BEND2: variants seen among roughly 807,000 people sequenced by gnomAD.
The protein encoded by BEND2 is BEN domain-containing protein 2.
Under a neutral mutation model 43.8 loss-of-function variants are expected in BEND2, and 19 were observed. The observed-to-expected ratio is 0.43, with a 90% confidence interval of 0.30 to 0.64. The LOEUF is 0.64. Ranked by LOEUF, BEND2 falls within the 30% of genes least tolerant of loss-of-function variation. The pLI is 0.11. For missense variants in BEND2, 544 were observed against 574.0 expected (o/e 0.95, Z 0.53); for synonymous variants, 226 against 210.1 (o/e 1.08, Z -0.66).
intron 9 of BEND2, among the ~76,000 whole-genome samples, chrX:18,178,233 T>A (rs1924250432): frequency 8.9e-6 from 1 of 111,928 alleles, no homozygotes; most frequent in African/African-American, 3.2e-5. Flanking sequence ...TTCAAATAGC[T>A]AGCATTTATC....
At chrX:18,209,941 A>G (rs1925454734) in intron 4 of BEND2, among the ~76,000 whole-genome samples, 1 of 111,374 alleles carries the variant, frequency 9.0e-6, no homozygotes, top group Non-Finnish European at 1.9e-5. Flanking sequence ...GTAAGTTAAC[A>G]TTAAGGGAAG....
chrX:18,206,381 G>A lies in BEND2; in HGVS notation c.493-2466C>T, dbSNP rs138723887. ...GAAACAGCAGGTTCAAAAATACCCA[G>A]AGAAAAACAGGAAGCCAGATGTGGA... is the stretch of plus-strand genomic sequence containing the variant. On this transcript the variant is annotated intron_variant, in intron 4 of 13. Coordinates refer to ENST00000380033, the MANE Select transcript of BEND2 (RefSeq NM_153346.5). 3.5e-3 allele frequency among the ~76,000 whole-genome samples: 387 copies of A among 111,667 alleles called. 3 individuals carry two copies. The highest frequency in any genetic ancestry group is 0.011 in the African/African-American group (350 of 30,734).
intron 7 of BEND2, among the ~76,000 whole-genome samples, chrX:18,192,412 T>C (rs1924800576): frequency 9.0e-6 from 1 of 111,206 alleles, no homozygotes; most frequent in African/African-American, 3.3e-5. Flanking sequence ...AAAGCAAATC[T>C]TGGAGCATCA....
intron 13 of BEND2, among the ~76,000 whole-genome samples, chrX:18,170,166 T>C (rs1417715928): frequency 8.9e-6 from 1 of 111,745 alleles, no homozygotes; most frequent in Admixed American, 9.6e-5. Context: ...TTGAAAGAAA[T>C]GTAATGGAAG....
At chrX:18,199,479 G>C in intron 6 of BEND2, among the ~76,000 whole-genome samples, 1 of 112,014 alleles carries the variant, frequency 8.9e-6, no homozygotes, top group Non-Finnish European at 1.9e-5. Context: ...TACACACACA[G>C]AGATGTGGAT....
At chrX:18,219,146 G>A (rs1453649905) in intron 1 of BEND2, among the ~76,000 whole-genome samples, 1 of 111,932 alleles carries the variant, frequency 8.9e-6, no homozygotes, top group Non-Finnish European at 1.9e-5. Context: ...GTATCCCATC[G>A]CCCAGCACTT....
At chrX:18,182,355 T>A (rs772861881) in intron 8 of BEND2, among the ~76,000 whole-genome samples, 1 of 111,678 alleles carries the variant, frequency 9.0e-6, no homozygotes, top group African/African-American at 3.3e-5. Flanking sequence ...CTCCCAGTCA[T>A]GCTTCCTGTT....
At chrX:18,207,077 G>C (rs1176037945) in intron 4 of BEND2, among the ~76,000 whole-genome samples, 1 of 110,694 alleles carries the variant, frequency 9.0e-6, no homozygotes, top group African/African-American at 3.3e-5. Flanking sequence ...TGGCCTAGCA[G>C]TGCAGGGGGA....
chrX:18,175,667 T>G (rs779812494), intron 11 of BEND2, among the ~76,000 whole-genome samples: 1 of 112,481 alleles, frequency 8.9e-6, no homozygotes, highest in Admixed American at 9.5e-5. Context: ...CTCGGTGAGA[T>G]ACTGCAAAAG....
At chrX:18,219,825 G>C (rs962571209) in intron 1 of BEND2, among the ~76,000 whole-genome samples, 3 of 112,018 alleles carry the variant, frequency 2.7e-5, no homozygotes, top group African/African-American at 9.7e-5. Context: ...AGGACCGCTT[G>C]AATCCAGGAA....
At chrX:18,173,052 C>T (rs1464753378) in intron 12 of BEND2, among the ~76,000 whole-genome samples, 1 of 111,413 alleles carries the variant, frequency 9.0e-6, no homozygotes, top group Non-Finnish European at 1.9e-5. Flanking sequence ...TTTTCCCCCT[C>T]TTAAAAATAT....
Position 18,203,583 on chromosome X carries a change from C to T in BEND2, c.825G>A (p.Val275=). ...RESSLANNPG[V]VNYSALPENE... is the part of the protein sequence containing the mutation. Reference sequence around the variant, plus strand: ...TTTCTGGTAGAGCAGAGTAATTCACCACACCAGGGTTATTTGCCAGACTGG... The same window carrying T: ...TTTCTGGTAGAGCAGAGTAATTCACTACACCAGGGTTATTTGCCAGACTGG... Residue 275 remains valine, a synonymous_variant, in exon 5 of 14, where the codon GTG becomes GTA. Coordinates refer to ENST00000380033, the MANE Select transcript of BEND2 (RefSeq NM_153346.5). 1 of 1,210,752 alleles carries T rather than the reference C, an allele frequency of 8.3e-7. No homozygotes were observed. Among genetic ancestry groups the T allele is most frequent in the Non-Finnish European group, 1.1e-6 (1 of 894,672 alleles).
chrX:18,212,013 C>T (rs907963175), intron 4 of BEND2, among the ~76,000 whole-genome samples: 1 of 109,056 alleles, frequency 9.2e-6, no homozygotes, highest in African/African-American at 3.3e-5. Context: ...TATATTTCCC[C>T]CAAAGTTAAG....
chrX:18,212,155 C>T (rs1045959190), intron 4 of BEND2, among the ~76,000 whole-genome samples: 4 of 97,299 alleles, frequency 4.1e-5, no homozygotes, highest in Admixed American at 2.4e-4. Flanking sequence ...AGTGCAGTGG[C>T]GCAATCTCGG....
In BEND2 at chrX:18,165,160, C is replaced by T. The variant is rs748760102; in HGVS notation, c.2249G>A (p.Cys750Tyr). The T allele has an allele frequency of 8.3e-7, 1 of 1,209,862 alleles. No homozygotes were observed. Among genetic ancestry groups the T allele is most frequent in the South Asian group, 1.8e-5 (1 of 56,910 alleles). Residue 750 changes from cysteine to tyrosine, a missense_variant, in exon 14 of 14, where the codon TGT (cysteine) becomes TAT (tyrosine). By Grantham distance (194) the Cys-to-Tyr change is radical. Around this residue, in one of 2 missense-constraint regions of BEND2, gnomAD observed 43 missense variants for 72.4 expected, o/e 0.59. Transcript: ENST00000380033. ...GATACCGCTGTTGATGGAGGTCACA[C>T]ACGACTTCCAGTCTCTTCCATTTTC... ...LSENGRDWKS[C>Y]VTSINSGIRS...
At chrX:18,182,934 C>G (rs2147401138) in intron 8 of BEND2, among the ~76,000 whole-genome samples, 1 of 106,909 alleles carries the variant, frequency 9.4e-6, no homozygotes, top group South Asian at 4.3e-4. Context: ...TCCAGCTACT[C>G]AGGAGGCTGA....
At chrX:18,179,179 GTTTTTTTTTTTT>G (rs1164362773) in intron 9 of BEND2, among the ~76,000 whole-genome samples, 7 of 58,385 alleles carry the variant, frequency 1.2e-4, no homozygotes, top group East Asian at 1.3e-3. Flanking sequence ...TTTTGTTTCT[GTTTTTTTTTTTT>G]TTTTTTTTTT....
intron 8 of BEND2, among the ~76,000 whole-genome samples, chrX:18,188,338 T>C (rs1319651472): frequency 9.0e-6 from 1 of 110,888 alleles, no homozygotes; most frequent in Non-Finnish European, 1.9e-5. Context: ...TTTTCATGTG[T>C]CTGTTGGTTG....
chrX:18,218,027 C>T (rs1166121782), intron 1 of BEND2, among the ~76,000 whole-genome samples: 3 of 109,148 alleles, frequency 2.7e-5, no homozygotes, highest in Non-Finnish European at 3.8e-5. Context: ...GGCTTGCACC[C>T]GGGAGGCTGA....
Sources: gnomAD v4.1 joint callset for allele counts (sites outside exome capture counted in the v4.1 genomes callset) on GRCh38, gnomAD v4.1.1 for gene constraint, gnomAD v4.1.1 regional missense constraint, MANE v1.5 for transcripts, NCBI Gene and HGNC (gene_info 2026-07-23, HGNC 2026-07-21) for gene names.